Variants in STXBP5 observed in about 807,000 individuals in gnomAD.
STXBP5 encodes the protein syntaxin binding protein 5.
A neutral mutation model predicts 152.4 loss-of-function variants in STXBP5; 50 were observed. That is an observed-to-expected ratio of 0.33 (90% CI 0.26 to 0.42). The LOEUF is 0.42. Ranked by LOEUF, STXBP5 falls within the 10% of genes least tolerant of loss-of-function variation. STXBP5 has a pLI of 1.00. For missense variants in STXBP5, 1,167 were observed against 1,388.6 expected (o/e 0.84, Z 2.54); for synonymous variants, 492 against 494.7 (o/e 0.99, Z 0.07).
intron 9 of STXBP5, 34 bp downstream of exon 9, chr6:147,291,206 A>G (rs779369099): frequency 6.5e-7 from 1 of 1,550,292 alleles, no homozygotes; most frequent in Non-Finnish European, 8.9e-7. Context: ...TGTTCATTGT[A>G]TATAAGTCCT....
intron 4 of STXBP5, among the ~76,000 whole-genome samples, chr6:147,243,322 C>G (rs115740404): frequency 2.6e-5 from 4 of 152,064 alleles, no homozygotes; most frequent in Non-Finnish European, 5.9e-5. Flanking sequence ...TTTTAATTTG[C>G]GGTTCCCTAG....
intron 8 of STXBP5, among the ~76,000 whole-genome samples, chr6:147,290,300 G>A (rs1781213770): frequency 6.6e-6 from 1 of 152,148 alleles, no homozygotes; most frequent in Non-Finnish European, 1.5e-5. Flanking sequence ...AAGGATACTA[G>A]AATGTGACAA....
At chr6:147,259,853 C>G (rs1047989392) in intron 4 of STXBP5, among the ~76,000 whole-genome samples, 1 of 151,936 alleles carries the variant, frequency 6.6e-6, no homozygotes, top group Non-Finnish European at 1.5e-5. Context: ...GGTATTCATT[C>G]TTTGCCTTGA....
intron 7 of STXBP5, among the ~76,000 whole-genome samples, chr6:147,270,838 A>G (rs1780129946): frequency 1.3e-5 from 2 of 152,188 alleles, no homozygotes; most frequent in East Asian, 1.9e-4. Flanking sequence ...CAATAGCACA[A>G]TGGTCGGAAG....
intron 17 of STXBP5, among the ~76,000 whole-genome samples, chr6:147,326,534 T>G (rs1783266628): frequency 6.6e-6 from 1 of 152,204 alleles, no homozygotes; most frequent in Non-Finnish European, 1.5e-5. Context: ...TGTCCTCTTT[T>G]ACTTAGTTAT....
At chr6:147,339,110 T>G in intron 19 of STXBP5, 69 bp from the exon 20 acceptor site, 1 of 1,330,600 alleles carries the variant, frequency 7.5e-7, no homozygotes, top group East Asian at 2.6e-5. Context: ...TTTGTACATT[T>G]TTCTTGTTAC....
At chr6:147,370,629 A>G (rs1353353301) in intron 25 of STXBP5, among the ~76,000 whole-genome samples, 7 of 152,044 alleles carry the variant, frequency 4.6e-5, no homozygotes, top group African/African-American at 1.4e-4. Flanking sequence ...AAAATTTGCT[A>G]TAATCGTAGA....
intron 18 of STXBP5, among the ~76,000 whole-genome samples, chr6:147,330,860 C>G (rs1783533380): frequency 2.0e-5 from 3 of 152,186 alleles, no homozygotes. Context: ...TAGGCCAAAA[C>G]CAGCCTAGTG....
chr6:147,243,739 T>G (rs1778661250), intron 4 of STXBP5, among the ~76,000 whole-genome samples: 1 of 152,148 alleles, frequency 6.6e-6, no homozygotes, highest in African/African-American at 2.4e-5. Context: ...GTGATCCATG[T>G]TGATTTAAAT....
chr6:147,313,787 T>C (rs1237083960), intron 11 of STXBP5, 97 bp from the exon 12 acceptor site: 13 of 764,498 alleles, frequency 1.7e-5, no homozygotes. Flanking sequence ...TTAATCTCTA[T>C]GATAGAATGT....
intron 2 of STXBP5, among the ~76,000 whole-genome samples, chr6:147,228,092 C>CT (rs1388248008): frequency 6.6e-6 from 1 of 151,916 alleles, no homozygotes; most frequent in Non-Finnish European, 1.5e-5. Context: ...GCTTTTTCAT[C>CT]TTTTTTCTGA....
chr6:147,349,491 C>T (rs1304331880), intron 21 of STXBP5, among the ~76,000 whole-genome samples: 1 of 152,124 alleles, frequency 6.6e-6, no homozygotes, highest in Non-Finnish European at 1.5e-5. Context: ...GTAAGTTTTA[C>T]ATCAAAAGAA....
intron 2 of STXBP5, among the ~76,000 whole-genome samples, chr6:147,229,233 TTTTAA>T (rs1199491432): frequency 4.6e-5 from 7 of 152,054 alleles, no homozygotes; most frequent in Non-Finnish European, 8.8e-5. Context: ...ATATCGTATG[TTTTAA>T]TTTGTTTTCG....
chr6:147,302,609 G>A (rs1222467305), intron 9 of STXBP5, among the ~76,000 whole-genome samples: 1 of 143,444 alleles, frequency 7.0e-6, no homozygotes, highest in Admixed American at 7.4e-5. Flanking sequence ...GAGGTCAGGA[G>A]TTTGAGACCA....
chr6:147,383,014 A>G lies in STXBP5; in HGVS notation c.3414+16A>G. ...TGCTCATGAGGTACGACTCTCAAACAGATATTTGAACAAAAAGCTCTAGGT... is the reference window on the plus strand; with the variant it reads ...TGCTCATGAGGTACGACTCTCAAACGGATATTTGAACAAAAAGCTCTAGGT... On this transcript the variant is annotated intron_variant, in intron 27 of 27. Coordinates refer to ENST00000321680, the MANE Select transcript of STXBP5 (RefSeq NM_001127715.4). The G allele has an allele frequency of 6.2e-7, 1 of 1,611,748 alleles. No homozygotes were observed. The highest frequency in any genetic ancestry group is 8.5e-7 in the Non-Finnish European group (1 of 1,178,594).
chr6:147,207,346 C>T (rs1470049144), intron 2 of STXBP5, among the ~76,000 whole-genome samples: 1 of 152,170 alleles, frequency 6.6e-6, no homozygotes, highest in Non-Finnish European at 1.5e-5. Flanking sequence ...GTGAAGTCTA[C>T]TATACATAGT....
chr6:147,307,634 G>A (rs1385386144), intron 9 of STXBP5, among the ~76,000 whole-genome samples: 1 of 152,070 alleles, frequency 6.6e-6, no homozygotes, highest in African/African-American at 2.4e-5. Flanking sequence ...GAAGGCTCAC[G>A]GGTTGGATGG....
chr6:147,344,796 G>C (rs676526), intron 21 of STXBP5, among the ~76,000 whole-genome samples: 1 of 152,152 alleles, frequency 6.6e-6, no homozygotes, highest in Non-Finnish European at 1.5e-5. Flanking sequence ...AATTCATTCC[G>C]TAACACTGTG....
intron 2 of STXBP5, among the ~76,000 whole-genome samples, chr6:147,222,501 C>G (rs1212829336): frequency 6.6e-6 from 1 of 152,114 alleles, no homozygotes; most frequent in Non-Finnish European, 1.5e-5. Flanking sequence ...TCCTCCCACT[C>G]CCTTTTAGGT....
Sources: allele counts gnomAD v4.1 joint callset (sites outside exome capture counted in the v4.1 genomes callset), GRCh38; gene constraint gnomAD v4.1.1; transcripts MANE v1.5; gene names NCBI Gene and HGNC (gene_info 2026-07-23, HGNC 2026-07-21).